The following CMIP variants were observed in gnomAD, a reference collection of about 807,000 sequenced individuals.
CMIP encodes the protein c-Maf inducing protein.
CMIP carries 13 observed loss-of-function variants against 97.3 expected under a neutral mutation model. That is an observed-to-expected ratio of 0.13 (90% CI 0.09 to 0.21). The LOEUF is 0.21. CMIP is among the 10% of genes least tolerant of loss of function. CMIP has a pLI of 1.00. For synonymous variants in CMIP, 538 were observed against 436.3 expected (o/e 1.23, Z -2.91); for missense variants, 847 against 1,024.9 (o/e 0.83, Z 2.37).
Position 81,549,514 on chromosome 16 carries a change from A to G in CMIP, c.301-58053A>G, listed in dbSNP as rs146430373. ...CCCAGGAAACTGTCCCATGTAGGGGATTTTCATGGCTGGGCTCTGTGTGTG... is the reference window on the plus strand; with the variant it reads ...CCCAGGAAACTGTCCCATGTAGGGGGTTTTCATGGCTGGGCTCTGTGTGTG... On this transcript the variant is annotated intron_variant, in intron 1 of 20. Coordinates refer to ENST00000537098, the MANE Select transcript of CMIP (RefSeq NM_198390.3). 3.3e-5 allele frequency among the ~76,000 whole-genome samples: 5 copies of G among 150,512 alleles called. No individual in the cohort carries two copies. The East Asian group carries it at 7.9e-4, about 24-fold the overall frequency.
At chr16:81,568,891 G>A (rs1363349168) in intron 1 of CMIP, among the ~76,000 whole-genome samples, 1 of 152,326 alleles carries the variant, frequency 6.6e-6, no homozygotes, top group Admixed American at 6.5e-5. Flanking sequence ...TTAATAAGCC[G>A]AAGTAGCTGT....
rs1396507476 is a variant in CMIP, at chr16:81,678,332, C to A, written c.1092C>A (p.Asp364Glu). ...EIRNGCQQPC[D>E]RKPTLPLRLL... ...GGAACGGCTGCCAGCAGCCGTGCGA[C>A]CGGAAGCCCACTTTACCTCTGCGCC... Residue 364 changes from aspartate (D) to glutamate (E), a missense_variant, in exon 10 of 21, where the codon GAC (aspartate) becomes GAA (glutamate). By Grantham distance (45) the Asp-to-Glu change is conservative. Coordinates refer to ENST00000537098, the MANE Select transcript of CMIP (RefSeq NM_198390.3). 1 of 1,611,350 alleles carries A rather than the reference C, an allele frequency of 6.2e-7. No homozygotes were observed. The highest frequency in any genetic ancestry group is 2.2e-5 in the East Asian group (1 of 44,826).
Position 81,616,657 on chromosome 16 carries a change from C to T in CMIP, c.427-4219C>T, listed in dbSNP as rs2091922798. ...ACCGACCTCCAAGAGTTGAGAGGAT[C>T]CCAGAGTGGAACAGAAGTGGCCAGA... On this transcript the variant is annotated intron_variant, in intron 2 of 20. Transcript: ENST00000537098. This position sits in a 1 kb window ranked among gnomAD's most constrained non-coding sequence, Gnocchi z 4.7. Among the ~76,000 whole-genome samples, 1 of 152,170 alleles carries T rather than the reference C, an allele frequency of 6.6e-6. No individual in the cohort carries two copies. The highest frequency in any genetic ancestry group is 2.4e-5 in the African/African-American group (1 of 41,446).
intron 1 of CMIP, among the ~76,000 whole-genome samples, chr16:81,583,081 G>C (rs895510729): frequency 1.3e-5 from 2 of 152,200 alleles, no homozygotes; most frequent in African/African-American, 2.4e-5. Flanking sequence ...TTCTCTAAAG[G>C]GCCTTGGCAC....
At chr16:81,508,279 A>C (rs1198837831) in intron 1 of CMIP, among the ~76,000 whole-genome samples, 2 of 152,246 alleles carry the variant, frequency 1.3e-5, no homozygotes, top group Non-Finnish European at 2.9e-5. Context: ...CCCAGAGGCC[A>C]CAGCATCCCT....
intron 1 of CMIP, among the ~76,000 whole-genome samples, chr16:81,500,838 C>T (rs77136421): frequency 0.046 from 6,894 of 150,938 alleles, 183 homozygotes; most frequent in Non-Finnish European, 0.064. Context: ...TTCCTCCCTC[C>T]CTTCCTTCTT....
intron 1 of CMIP, among the ~76,000 whole-genome samples, chr16:81,540,072 C>T (rs1442681703): frequency 6.6e-6 from 1 of 152,190 alleles, no homozygotes; most frequent in Non-Finnish European, 1.5e-5. Flanking sequence ...TCTCAGCCAC[C>T]TTGAAAGGTC....
At chr16:81,628,284 T>A (rs1440821996) in intron 3 of CMIP, among the ~76,000 whole-genome samples, 4 of 152,122 alleles carry the variant, frequency 2.6e-5, no homozygotes, top group Non-Finnish European at 5.9e-5. Flanking sequence ...CCCCAGGCGC[T>A]TTCTCCACCA....
At chr16:81,508,915 G>C (rs1291003423) in intron 1 of CMIP, among the ~76,000 whole-genome samples, 2 of 152,214 alleles carry the variant, frequency 1.3e-5, no homozygotes. Context: ...GTCATGTCTG[G>C]AGTGGTTCTC....
chr16:81,484,673 A>T (rs2150759997), intron 1 of CMIP, among the ~76,000 whole-genome samples: 1 of 151,872 alleles, frequency 6.6e-6, no homozygotes, highest in Admixed American at 6.5e-5. Flanking sequence ...CATTGATGGG[A>T]CTCCTGTAGA....
At position 81,678,261 on chromosome 16, in the gene CMIP, G is replaced by A. The variant is rs745936657; in HGVS notation, c.1035-14G>A. On this transcript the variant is annotated splice_polypyrimidine_tract_variant and intron_variant, in intron 9 of 20. Transcript: ENST00000537098. ...TGCCTGTACTCATGTGCCCTCTCCC[G>A]CCTCTTCCCCCAGCCGCGACAATTC... 8.3e-6 allele frequency: 13 copies of A among 1,566,890 alleles called. No individual in the cohort carries two copies. Among genetic ancestry groups the A allele is most frequent in the Admixed American group, 5.2e-5 (3 of 57,716 alleles).
In CMIP at chr16:81,696,623, G is replaced by A. The variant is rs1296944404; in HGVS notation, c.1594G>A (p.Gly532Arg). Residue 532 changes from glycine to arginine, a missense_variant, in exon 14 of 21, where the codon GGA becomes AGA. Gly to Arg is a moderately radical substitution (Grantham distance 125). Coordinates refer to ENST00000537098, the MANE Select transcript of CMIP (RefSeq NM_198390.3). ...TGGCTGGTTCCAGCTCTACAGCCCC[G>A]GAGGGGTGGCCTGCGACGATGACGG... ...KDGWFQLYSPGGVACDDDGEL... is the reference protein window; with the variant it reads ...KDGWFQLYSPRGVACDDDGEL... 9.3e-6 allele frequency: 15 copies of A among 1,607,268 alleles called. No individual in the cohort carries two copies. Among genetic ancestry groups the A allele is most frequent in the African/African-American group, 2.7e-5 (2 of 74,938 alleles).
rs565325259 is a variant in CMIP, at chr16:81,678,374, G to C, written c.1134G>C (p.Pro378=). ...CTCTGCGCCTTCTGCACCCCAGCCC[G>C]GACCTGGTGTCTCAGGAAGCCACGC... ...TLPLRLLHPS[P]DLVSQEATLS... is the part of the protein sequence containing the mutation. Residue 378 remains proline, a synonymous_variant, in exon 10 of 21, where the codon CCG becomes CCC. Coordinates refer to ENST00000537098, the MANE Select transcript of CMIP (RefSeq NM_198390.3). 14 of 1,612,088 alleles carry C rather than the reference G, an allele frequency of 8.7e-6. No individual in the cohort carries two copies. The South Asian group carries it at 1.2e-4, about 14-fold the overall frequency.
At chr16:81,701,880 C>T in intron 16 of CMIP, 80 bp downstream of exon 16, 1 of 1,557,788 alleles carries the variant, frequency 6.4e-7, no homozygotes, top group Non-Finnish European at 8.8e-7. Flanking sequence ...GCAGCTAGTA[C>T]TTGGACCTGA....
chr16:81,471,517 CAT>C (rs1357642900), intron 1 of CMIP, among the ~76,000 whole-genome samples: 2 of 152,052 alleles, frequency 1.3e-5, no homozygotes, highest in African/African-American at 4.8e-5. Flanking sequence ...CATGTGCAGA[CAT>C]GTAATACACA....
At chr16:81,557,258 T>C (rs920907382) in intron 1 of CMIP, among the ~76,000 whole-genome samples, 9 of 152,246 alleles carry the variant, frequency 5.9e-5, no homozygotes, top group African/African-American at 1.9e-4. Context: ...GCCAAGGCCA[T>C]GTCAATGCCA....
At chr16:81,664,595 A>T in intron 7 of CMIP, 1 of 585,710 alleles carries the variant, frequency 1.7e-6, no homozygotes, top group Admixed American at 3.0e-5. Context: ...GCTGGAGGAG[A>T]AGAGGAAAGC....
At position 81,616,280 on chromosome 16, in the gene CMIP, C is replaced by T. The variant is rs181078896; in HGVS notation, c.427-4596C>T. Among the ~76,000 whole-genome samples the T allele has an allele frequency of 1.5e-4, 23 of 152,100 alleles. No homozygotes were observed. Among genetic ancestry groups the T allele is most frequent in the East Asian group, 1.4e-3 (7 of 5,178 alleles). On this transcript the variant is annotated intron_variant, in intron 2 of 20. Coordinates refer to ENST00000537098, the MANE Select transcript of CMIP (RefSeq NM_198390.3). This position sits in a 1 kb window ranked among gnomAD's most constrained non-coding sequence, Gnocchi z 4.7. The stretch of plus-strand genomic sequence containing the variant: ...ACCCAGCCAGCCTCAGGGTGTGGGC[C>T]GAGGGCTTGAAGAAGTGGCCGCCAG...
At chr16:81,519,094 A>C (rs1410942237) in intron 1 of CMIP, 1 of 152,120 alleles carries the variant, frequency 6.6e-6, no homozygotes, top group Non-Finnish European at 1.5e-5. Context: ...TGGCCTCCCA[A>C]ATTGCTGGGA....
Sources: gnomAD v4.1 joint callset for allele counts (sites outside exome capture counted in the v4.1 genomes callset) on GRCh38, gnomAD v4.1.1 for gene constraint, Gnocchi (gnomAD v3.1) non-coding constraint, MANE v1.5 for transcripts, NCBI Gene and HGNC (gene_info 2026-07-23, HGNC 2026-07-21) for gene names.